EPB41L5: variants seen among roughly 807,000 people sequenced by gnomAD.
EPB41L5 encodes the protein erythrocyte membrane protein band 4.1 like 5.
EPB41L5 carries 55 observed loss-of-function variants against 106.6 expected under a neutral mutation model. The observed-to-expected ratio is 0.52, with a 90% confidence interval of 0.42 to 0.65. The LOEUF is 0.65. Among genes scored for constraint, EPB41L5 ranks in the 30% least tolerant of loss-of-function variants. The pLI, the probability that EPB41L5 is intolerant of heterozygous loss-of-function variation, is 0.00. For synonymous variants in EPB41L5, 297 were observed against 306.7 expected, an observed-to-expected ratio of 0.97 and a Z score of 0.33; for missense variants, 871 against 882.1, an observed-to-expected ratio of 0.99 and a Z score of 0.16.
intron 16 of EPB41L5, among the ~76,000 whole-genome samples, chr2:120,125,272 G>A (rs973806999): frequency 2.0e-5 from 3 of 151,902 alleles, no homozygotes; most frequent in Non-Finnish European, 2.9e-5. Context: ...TTCCAAACTC[G>A]TCCTCTAGGG....
chr2:120,055,114 C>T (rs930610163), intron 3 of EPB41L5, among the ~76,000 whole-genome samples: 10 of 152,100 alleles, frequency 6.6e-5, no homozygotes, highest in South Asian at 4.1e-4. Flanking sequence ...CCGCCTGCCT[C>T]GGCCTCCCAA....
At chr2:120,075,825 A>G in intron 7 of EPB41L5, 72 bp downstream of exon 7, 1 of 1,195,224 alleles carries the variant, frequency 8.4e-7, no homozygotes, top group Non-Finnish European at 1.2e-6. Context: ...GTTAAAGAAG[A>G]TTCTAATTAT....
chr2:120,076,880 AT>A, intron 7 of EPB41L5, 90 bp from the exon 8 acceptor site: 1 of 1,191,034 alleles, frequency 8.4e-7, no homozygotes, highest in Non-Finnish European at 1.1e-6. Flanking sequence ...ATTCCTAAGA[AT>A]CTTTCTAATC....
intron 3 of EPB41L5, among the ~76,000 whole-genome samples, chr2:120,048,457 A>C (rs201389024): frequency 6.6e-6 from 1 of 152,122 alleles, no homozygotes; most frequent in African/African-American, 2.4e-5. Flanking sequence ...AGAGGTGTTT[A>C]TAGTATTCTC....
At chr2:120,015,216 A>G (rs938585532) in intron 1 of EPB41L5, among the ~76,000 whole-genome samples, 4 of 151,858 alleles carry the variant, frequency 2.6e-5, no homozygotes, top group Non-Finnish European at 5.9e-5. Flanking sequence ...AGTCCCAGCT[A>G]CTTGGGAGGC....
At position 120,074,112 on chromosome 2, in the gene EPB41L5, A is replaced by G. The variant is rs770560434; in HGVS notation, c.341A>G (p.Tyr114Cys). The change falls in exon 5 of 25, where the codon TAT becomes TGT. Residue 114 changes from tyrosine (Y) to cysteine (C), a missense_variant. Coordinates refer to ENST00000263713, the MANE Select transcript of EPB41L5 (RefSeq NM_020909.4). ...IKKQVKIGSP[Y>C]CLHLRVKFYS... ...TTTTAAATGACAGTTGGTTCACCCT[A>G]TTGTCTGCATCTTCGAGTTAAGTTT... is the stretch of plus-strand genomic sequence containing the variant. 8.1e-6 allele frequency: 13 copies of G among 1,610,178 alleles called. No individual in the cohort carries two copies. The East Asian group carries it at 1.3e-4, about 17-fold the overall frequency.
At chr2:120,099,345 T>G (rs1233096097) in intron 14 of EPB41L5, among the ~76,000 whole-genome samples, 1 of 146,638 alleles carries the variant, frequency 6.8e-6, no homozygotes, top group African/African-American at 2.5e-5. Flanking sequence ...AGTTTCTGGG[T>G]TTTTTTTTTT....
chr2:120,047,834 C>G (rs1451857098), intron 3 of EPB41L5, among the ~76,000 whole-genome samples: 1 of 152,174 alleles, frequency 6.6e-6, no homozygotes, highest in Non-Finnish European at 1.5e-5. Flanking sequence ...GAGATACTTT[C>G]ATCAATACCT....
Position 120,073,636 on chromosome 2 carries a change from T to C in EPB41L5, c.328+416T>C, listed in dbSNP as rs1682032783. Among the ~76,000 whole-genome samples the C allele has an allele frequency of 1.3e-5, 2 of 152,212 alleles. 1 individual carries two copies. Among genetic ancestry groups the C allele is most frequent in the South Asian group, 4.1e-4 (2 of 4,836 alleles). On this transcript the variant is annotated intron_variant, in intron 4 of 24. Coordinates refer to ENST00000263713, the MANE Select transcript of EPB41L5 (RefSeq NM_020909.4). The stretch of plus-strand genomic sequence containing the variant: ...AGTGTCATTCAGAGAGAGAATACCA[T>C]TGTTTATTCATTATCCAACTTGACT...
rs1431222688 is a variant in EPB41L5 at position 120,131,713 on chromosome 2, C to T, written c.1597C>T (p.Gln533Ter). ...RSNIDVNINS[Q>*]EEVVKLTEKC... ...CAACATCGATGTTAACATAAACAGCCAGGTATTCAGATTTCCCCTGTGTAT... is the reference window on the plus strand; with the variant it reads ...CAACATCGATGTTAACATAAACAGCTAGGTATTCAGATTTCCCCTGTGTAT... Residue 533 changes from glutamine (Q) to a stop codon, truncating the protein, a stop_gained and splice_region_variant, in exon 18 of 25, where the codon CAG becomes TAG. Transcript: ENST00000263713. LOFTEE classifies it high-confidence loss of function. 1 of 1,610,544 alleles carries T rather than the reference C, an allele frequency of 6.2e-7. No homozygotes were observed. Among genetic ancestry groups the T allele is most frequent in the African/African-American group, 1.3e-5 (1 of 74,778 alleles).
intron 16 of EPB41L5, among the ~76,000 whole-genome samples, chr2:120,112,817 C>G (rs563492885): frequency 6.6e-6 from 1 of 152,310 alleles, no homozygotes; most frequent in South Asian, 2.1e-4. Flanking sequence ...TAAGTATTCA[C>G]TCTAGCAAAG....
chr2:120,157,630 G>A (rs891813477), intron 20 of EPB41L5, among the ~76,000 whole-genome samples: 2 of 151,870 alleles, frequency 1.3e-5, no homozygotes, highest in African/African-American at 2.4e-5. Flanking sequence ...TTAGCTGGGC[G>A]GGGTGGCGCA....
intron 24 of EPB41L5, among the ~76,000 whole-genome samples, chr2:120,174,150 G>T (rs1250554232): frequency 6.6e-6 from 1 of 152,192 alleles, no homozygotes; most frequent in Admixed American, 6.5e-5. Flanking sequence ...ACACGGCCAT[G>T]TAGGAATATG....
At chr2:120,051,815 G>A (rs1180034165) in intron 3 of EPB41L5, among the ~76,000 whole-genome samples, 3 of 132,648 alleles carry the variant, frequency 2.3e-5, no homozygotes, top group African/African-American at 5.2e-5. Context: ...GGCCATCTTG[G>A]AACCTCCTGC....
chr2:120,024,485 C>A (rs1004595851), intron 2 of EPB41L5, among the ~76,000 whole-genome samples: 5 of 152,048 alleles, frequency 3.3e-5, no homozygotes, highest in Admixed American at 3.3e-4. Context: ...GAGATGAAAT[C>A]TCACTCTGTT....
At chr2:120,074,845 C>A (rs7581980) in intron 5 of EPB41L5, among the ~76,000 whole-genome samples, 1 of 151,928 alleles carries the variant, frequency 6.6e-6, no homozygotes, top group Non-Finnish European at 1.5e-5. Flanking sequence ...CTTCACATAA[C>A]AAGTAGATGT....
intron 3 of EPB41L5, among the ~76,000 whole-genome samples, chr2:120,064,454 CT>C (rs1681306313): frequency 6.6e-6 from 1 of 152,120 alleles, no homozygotes; most frequent in African/African-American, 2.4e-5. Flanking sequence ...ACAATAGGGT[CT>C]GGGGTGAGGG....
intron 24 of EPB41L5, among the ~76,000 whole-genome samples, chr2:120,170,904 C>T (rs909400009): frequency 2.0e-5 from 3 of 152,080 alleles, no homozygotes; most frequent in Admixed American, 6.5e-5. Flanking sequence ...AGTAGTGTTC[C>T]GTTTCATATT....
chr2:120,043,090 T>C (rs761912939), intron 3 of EPB41L5, among the ~76,000 whole-genome samples: 1 of 151,466 alleles, frequency 6.6e-6, no homozygotes, highest in Non-Finnish European at 1.5e-5. Flanking sequence ...GCATCTGGGC[T>C]AAGTTTACAG....
Sources: allele counts gnomAD v4.1 joint callset (sites outside exome capture counted in the v4.1 genomes callset), GRCh38; gene constraint gnomAD v4.1.1; transcripts MANE v1.5; gene names NCBI Gene and HGNC (gene_info 2026-07-23, HGNC 2026-07-21).